Variants in ZDHHC20 observed in about 807,000 individuals in gnomAD.
ZDHHC20 encodes palmitoyltransferase ZDHHC20.
A neutral mutation model predicts 57.8 loss-of-function variants in ZDHHC20; 43 were observed. The observed-to-expected ratio is 0.74, with a 90% CI of 0.58 to 0.96. The LOEUF is 0.96. ZDHHC20 is among the 40% of genes least tolerant of loss of function. The pLI is 0.00. For synonymous variants in ZDHHC20, 157 were observed against 153.0 expected (o/e 1.03, Z -0.19); for missense variants, 391 against 441.1 (o/e 0.89, Z 1.02).
intron 4 of ZDHHC20, among the ~76,000 whole-genome samples, chr13:21,411,591 C>T (rs1270451969): frequency 3.9e-5 from 6 of 152,118 alleles, no homozygotes; most frequent in Non-Finnish European, 8.8e-5. Flanking sequence ...AACATTCTGA[C>T]ATTGCAAAGG....
chr13:21,382,841 C>A, intron 10 of ZDHHC20, 79 bp downstream of exon 10: 1 of 1,186,606 alleles, frequency 8.4e-7, no homozygotes, highest in South Asian at 1.4e-5. Flanking sequence ...ACTGTATTTA[C>A]TCATAAGATG....
At chr13:21,413,805 T>A in intron 3 of ZDHHC20, 33 bp from the exon 4 acceptor site, 1 of 1,571,488 alleles carries the variant, frequency 6.4e-7, no homozygotes, top group Non-Finnish European at 8.6e-7. Flanking sequence ...TAAATTTTTT[T>A]AATCCCATGA....
At chr13:21,393,686 A>ACTGT (rs2137744800) in intron 7 of ZDHHC20, among the ~76,000 whole-genome samples, 1 of 136,938 alleles carries the variant, frequency 7.3e-6, no homozygotes, top group Admixed American at 8.1e-5. Context: ...CCTGGGCGAC[A>ACTGT]CAGCAAGTCT....
intron 10 of ZDHHC20, chr13:21,381,952 G>C (rs761405424): frequency 4.0e-5 from 21 of 520,930 alleles, no homozygotes; most frequent in Non-Finnish European, 7.6e-5. Context: ...AGATCTAAGG[G>C]GAAAAAATGA....
chr13:21,430,671 T>C (rs1288519884), intron 1 of ZDHHC20, among the ~76,000 whole-genome samples: 1 of 152,166 alleles, frequency 6.6e-6, no homozygotes, highest in African/African-American at 2.4e-5. Context: ...GGTTGTCCCT[T>C]TCCTGGCTTG....
rs1212846269 is a variant in ZDHHC20, at chr13:21,384,868, A to G, written c.855-1859T>C. 4.6e-5 allele frequency among the ~76,000 whole-genome samples: 7 copies of G among 152,168 alleles called. No homozygotes were observed. The East Asian group carries it at 1.3e-3, about 29-fold the overall frequency. On this transcript the variant is annotated intron_variant, in intron 9 of 12. Transcript: ENST00000400590. ...GTAATCCTAGCCCTTCGGGAGGCCA[A>G]TCTACATAGGCAGCAAAGTAGCATT...
intron 8 of ZDHHC20, among the ~76,000 whole-genome samples, chr13:21,390,557 A>T (rs1875507531): frequency 6.6e-6 from 1 of 152,222 alleles, no homozygotes; most frequent in African/African-American, 2.4e-5. Flanking sequence ...AGCCTCAGTC[A>T]TGGAACATAT....
chr13:21,395,521 A>C (rs546121983), intron 7 of ZDHHC20, among the ~76,000 whole-genome samples: 3 of 128,294 alleles, frequency 2.3e-5, no homozygotes, highest in Admixed American at 8.3e-5. Context: ...TTTGAGACAG[A>C]GTCTTGCTCT....
intron 7 of ZDHHC20, among the ~76,000 whole-genome samples, chr13:21,392,694 A>T (rs1461998814): frequency 1.3e-5 from 2 of 152,206 alleles, no homozygotes; most frequent in Non-Finnish European, 2.9e-5. Flanking sequence ...AAAATAAACC[A>T]TATAGGCAAA....
Position 21,372,859 on chromosome 13 carries a change from T to C in ZDHHC20, c.*3837A>G. Reference sequence around the variant, plus strand: ...GTCCATCTTTTCTTTTAAACGGGCATAGACTCATTTGCAGTCATGTACAAA... The same window carrying C: ...GTCCATCTTTTCTTTTAAACGGGCACAGACTCATTTGCAGTCATGTACAAA... On this transcript the variant is annotated 3_prime_UTR_variant, in exon 13 of 13. Transcript: ENST00000400590. 6.6e-6 allele frequency: 1 copy of C among 152,214 alleles called. No homozygotes were observed. Among genetic ancestry groups the C allele is most frequent in the Non-Finnish European group, 1.5e-5 (1 of 68,016 alleles). The allele number at this position is 152,214 out of a possible 1,614,324, so 9.4% of individuals were successfully genotyped here.
At chr13:21,381,195 A>G (rs1873340821) in intron 11 of ZDHHC20, among the ~76,000 whole-genome samples, 1 of 151,962 alleles carries the variant, frequency 6.6e-6, no homozygotes, top group Admixed American at 6.6e-5. Flanking sequence ...TGTAGTAGAG[A>G]CGGGGTTTCA....
chr13:21,412,898 G>T (rs1879404644), intron 4 of ZDHHC20, among the ~76,000 whole-genome samples: 1 of 150,162 alleles, frequency 6.7e-6, no homozygotes, highest in Non-Finnish European at 1.5e-5. Context: ...AACCCTGGGG[G>T]TGGAAGTTGC....
intron 3 of ZDHHC20, among the ~76,000 whole-genome samples, chr13:21,416,600 C>T (rs952821812): frequency 6.6e-6 from 1 of 152,080 alleles, no homozygotes; most frequent in African/African-American, 2.4e-5. Flanking sequence ...GCATAAAGTA[C>T]AACATTAATA....
chr13:21,413,838 A>C, intron 3 of ZDHHC20, 66 bp from the exon 4 acceptor site: 1 of 1,403,460 alleles, frequency 7.1e-7, no homozygotes, highest in East Asian at 2.4e-5. Flanking sequence ...TGCTCAGAAA[A>C]AGTTTTATCT....
At chr13:21,381,371 G>A (rs1450392822) in intron 11 of ZDHHC20, 63 bp downstream of exon 11, 12 of 1,232,494 alleles carry the variant, frequency 9.7e-6, no homozygotes, top group African/African-American at 1.5e-5. Context: ...TTTTCCACAT[G>A]TATTATATCT....
chr13:21,421,073 G>C lies in ZDHHC20; in HGVS notation c.237C>G (p.Ser79=). 6.2e-7 allele frequency: 1 copy of C among 1,612,234 alleles called. No homozygotes were observed. Among genetic ancestry groups the C allele is most frequent in the Non-Finnish European group, 8.5e-7 (1 of 1,179,174 alleles). The stretch of plus-strand genomic sequence containing the variant: ...ACATTAAATTTACCTCTTTGGAGGG[G>C]GAAGCGGGAGATGTGAAAATTGTCA... ...YWMTIFTSPA[S]PSKEFYLSNS... is the part of the protein sequence containing the mutation. The change falls in exon 3 of 13, where the codon TCC becomes TCG. Residue 79 remains serine (S), a synonymous_variant. Coordinates refer to ENST00000400590, the MANE Select transcript of ZDHHC20 (RefSeq NM_001330059.2).
intron 1 of ZDHHC20, among the ~76,000 whole-genome samples, chr13:21,450,672 A>G (rs1356311834): frequency 6.6e-6 from 1 of 152,182 alleles, no homozygotes; most frequent in Non-Finnish European, 1.5e-5. Flanking sequence ...TGGCCACTGT[A>G]TCTTTCAAAG....
chr13:21,415,357 TAGGAA>T (rs1231388903), intron 3 of ZDHHC20, among the ~76,000 whole-genome samples: 1 of 152,190 alleles, frequency 6.6e-6, no homozygotes, highest in East Asian at 1.9e-4. Context: ...CACCATACTT[TAGGAA>T]ATAGAAGAGT....
At chr13:21,422,284 G>C (rs1204456762) in intron 2 of ZDHHC20, among the ~76,000 whole-genome samples, 1 of 150,836 alleles carries the variant, frequency 6.6e-6, no homozygotes, top group African/African-American at 2.4e-5. Context: ...AGAAAAGAAA[G>C]ACCAAGAACA....
Sources: allele counts gnomAD v4.1 joint callset (sites outside exome capture counted in the v4.1 genomes callset), GRCh38; gene constraint gnomAD v4.1.1; transcripts MANE v1.5; gene names NCBI Gene and HGNC (gene_info 2026-07-23, HGNC 2026-07-21).